The following CELF2 variants were observed in gnomAD, a reference collection of about 807,000 sequenced individuals.
CELF2 encodes the protein CUGBP Elav-like family member 2.
In CELF2, 8 loss-of-function variants were observed where a neutral mutation model predicts 62.6. That is an observed-to-expected ratio of 0.13 (90% CI 0.07 to 0.23). The LOEUF (loss-of-function observed/expected upper bound fraction) is 0.23. Ranked by LOEUF, CELF2 falls within the 10% of genes least tolerant of loss-of-function variation. The probability of loss-of-function intolerance (pLI) is 1.00; values close to 1 mark genes in which losing one functional copy is unlikely to be tolerated. For synonymous variants in CELF2, 258 were observed against 250.0 expected (o/e 1.03, Z -0.30); for missense variants, 333 against 671.0 (o/e 0.50, Z 5.56).
chr10:10,738,993 C>A, the CELF2 span, among the ~76,000 whole-genome samples: 1 of 152,086 alleles, frequency 6.6e-6, no homozygotes, highest in Non-Finnish European at 1.5e-5. Context: ...GTGTACTGTG[C>A]TACCAACTTT....
chr10:10,560,333 T>G, the CELF2 span, among the ~76,000 whole-genome samples: 1 of 152,358 alleles, frequency 6.6e-6, no homozygotes, highest in East Asian at 1.9e-4. Context: ...TAAGTTTTCA[T>G]CTTGTGACAA....
chr10:10,853,885 G>C (rs1171905987), intron 1 of CELF2, among the ~76,000 whole-genome samples: 1 of 152,008 alleles, frequency 6.6e-6, no homozygotes, highest in Non-Finnish European at 1.5e-5. Flanking sequence ...ACCTAAACAA[G>C]GAAATTAAAA....
intron 9 of CELF2, among the ~76,000 whole-genome samples, chr10:11,289,996 A>G (rs1363115734): frequency 6.6e-6 from 1 of 152,188 alleles, no homozygotes; most frequent in African/African-American, 2.4e-5. Flanking sequence ...TGATTACCCC[A>G]AAATAGCACT....
chr10:11,114,005 T>C (rs144900407), intron 1 of CELF2, among the ~76,000 whole-genome samples: 26 of 152,314 alleles, frequency 1.7e-4, no homozygotes, highest in African/African-American at 6.3e-4. Flanking sequence ...GAATTATAGA[T>C]GGTTCAATTA....
At chr10:10,721,344 A>G in the CELF2 span, among the ~76,000 whole-genome samples, 1 of 152,362 alleles carries the variant, frequency 6.6e-6, no homozygotes, top group South Asian at 2.1e-4. Flanking sequence ...CTGTTAATCT[A>G]CACGGAGATA....
chr10:11,016,342 G>T (rs1481987419), upstream of CELF2, among the ~76,000 whole-genome samples: 9 of 152,154 alleles, frequency 5.9e-5, no homozygotes, highest in Non-Finnish European at 5.9e-5. This position sits in a 1 kb window ranked among gnomAD's most constrained non-coding sequence, Gnocchi z 5.2. Flanking sequence ...CAGTAAGGTA[G>T]TATTTAAAAA....
In CELF2 at chr10:11,297,900, T is replaced by G. The variant is rs541981002; in HGVS notation, c.976+9348T>G. On this transcript the variant is annotated intron_variant, in intron 9 of 12. Transcript: ENST00000633077. This position sits in a 1 kb window ranked among gnomAD's most constrained non-coding sequence, Gnocchi z 4.4. ...GGGAGGCTGAGGCAGGAAAATGACT[T>G]GAACCCAGGAGGCAGAGGTTGCAGT... Among the ~76,000 whole-genome samples the G allele has an allele frequency of 1.1e-4, 16 of 152,244 alleles. No individual in the cohort carries two copies. The highest frequency in any genetic ancestry group is 3.9e-4 in the African/African-American group (16 of 41,546).
In CELF2 at chr10:11,058,744, A is replaced by G. The variant is rs1257473411; in HGVS notation, c.74+40581A>G. 3.9e-5 allele frequency among the ~76,000 whole-genome samples: 6 copies of G among 151,932 alleles called. No individual in the cohort carries two copies. The South Asian group carries it at 1.2e-3, about 32-fold the overall frequency. On this transcript the variant is annotated intron_variant, in intron 1 of 12. Transcript: ENST00000633077. The stretch of plus-strand genomic sequence containing the variant: ...CAGCCTCCCAAAGTGCTGGGATTAC[A>G]GACATGACCCACCGCGCCCGGGCTT...
At chr10:10,806,203 C>CTTTTT (rs112165245) in intron 1 of CELF2, among the ~76,000 whole-genome samples, 17 of 141,438 alleles carry the variant, frequency 1.2e-4, no homozygotes, top group Non-Finnish European at 1.2e-4. Flanking sequence ...TTCCAGTGTT[C>CTTTTT]TTTTTTTTTT....
At chr10:11,151,918 G>C (rs2063413910) in intron 1 of CELF2, among the ~76,000 whole-genome samples, 1 of 152,150 alleles carries the variant, frequency 6.6e-6, no homozygotes, top group Admixed American at 6.5e-5. Flanking sequence ...CCCCCTCTCT[G>C]AGTAGGAGGC....
At chr10:10,828,903 G>A (rs1395252931) in intron 1 of CELF2, among the ~76,000 whole-genome samples, 1 of 152,208 alleles carries the variant, frequency 6.6e-6, no homozygotes, top group Non-Finnish European at 1.5e-5. Context: ...GGTCATTTCT[G>A]TCACAGGCAT....
the CELF2 span, among the ~76,000 whole-genome samples, chr10:10,725,145 AGG>A: frequency 6.6e-6 from 1 of 152,198 alleles, no homozygotes; most frequent in Non-Finnish European, 1.5e-5. Context: ...AATTTCCCTA[AGG>A]GTGGCTTTCT....
chr10:10,530,775 A>T, the CELF2 span, among the ~76,000 whole-genome samples: 1 of 152,262 alleles, frequency 6.6e-6, no homozygotes, highest in Non-Finnish European at 1.5e-5. Flanking sequence ...AGATTTCTGA[A>T]GTGGCCAATA....
chr10:11,313,322 G>T (rs899271061), intron 9 of CELF2, among the ~76,000 whole-genome samples: 4 of 152,192 alleles, frequency 2.6e-5, no homozygotes, highest in Non-Finnish European at 4.4e-5. Flanking sequence ...CATGGAGTTG[G>T]AATGACAGAC....
rs2050906582 is a variant in CELF2 at position 10,972,918 on chromosome 10, A to T, written c.89+52919A>T. Among the ~76,000 whole-genome samples the T allele has an allele frequency of 6.6e-6, 1 of 152,184 alleles. No homozygotes were observed. The highest frequency in any genetic ancestry group is 2.4e-5 in the African/African-American group (1 of 41,442). ...AACGAAGGCACAACAGGATGATCAC[A>T]TGATAGATGGAAAGATGTGAAGGGA... On this transcript the variant is annotated intron_variant, in intron 2 of 13. Transcript: ENST00000636488. The surrounding 1 kb of genome is among the most constrained non-coding windows in gnomAD (Gnocchi z 4.4).
chr10:11,218,287 C>T (rs780667873), intron 3 of CELF2, among the ~76,000 whole-genome samples: 1 of 152,086 alleles, frequency 6.6e-6, no homozygotes, highest in Non-Finnish European at 1.5e-5. Flanking sequence ...CTGTGGTAAC[C>T]AGTGCAAGGA....
the CELF2 span, among the ~76,000 whole-genome samples, chr10:10,723,714 AT>A: frequency 1.3e-5 from 2 of 152,202 alleles, no homozygotes; most frequent in Admixed American, 1.3e-4. Context: ...TCTTTGTACC[AT>A]TCTGGGAGGA....
Position 11,302,153 on chromosome 10 carries a change from C to T in CELF2, c.977-11986C>T, listed in dbSNP as rs2093820320. ...CTTACCACTCTCACCTAGTTTTTGACTCTGGGTTCCTTGGTGCCCAGTGAC... is the reference window on the plus strand; with the variant it reads ...CTTACCACTCTCACCTAGTTTTTGATTCTGGGTTCCTTGGTGCCCAGTGAC... On this transcript the variant is annotated intron_variant, in intron 9 of 12. Transcript: ENST00000633077. This position sits in a 1 kb window ranked among gnomAD's most constrained non-coding sequence, Gnocchi z 5.0. Among the ~76,000 whole-genome samples, 1 of 152,208 alleles carries T rather than the reference C, an allele frequency of 6.6e-6. No individual in the cohort carries two copies. The highest frequency in any genetic ancestry group is 2.1e-4 in the South Asian group (1 of 4,830).
chr10:11,154,203 T>C (rs894666838), intron 1 of CELF2, among the ~76,000 whole-genome samples: 13 of 152,226 alleles, frequency 8.5e-5, no homozygotes, highest in African/African-American at 3.1e-4. Context: ...GGGTTATATC[T>C]GATGGTGTGT....
Sources: gnomAD v4.1 joint callset for allele counts (sites outside exome capture counted in the v4.1 genomes callset) on GRCh38, gnomAD v4.1.1 for gene constraint, Gnocchi (gnomAD v3.1) non-coding constraint, MANE v1.5 for transcripts, NCBI Gene and HGNC (gene_info 2026-07-23, HGNC 2026-07-21) for gene names.